The following PLG variants were observed in gnomAD, a reference collection of about 807,000 sequenced individuals.
PLG encodes the protein plasminogen, also known as plasmin.
PLG carries 41 observed loss-of-function variants against 104.4 expected under a neutral mutation model. That is an observed-to-expected ratio of 0.39 (90% CI 0.31 to 0.51). The LOEUF (loss-of-function observed/expected upper bound fraction) is 0.51. Ranked by LOEUF, PLG falls within the 20% of genes least tolerant of loss-of-function variation. The pLI, the probability that PLG is intolerant of heterozygous loss-of-function variation, is 0.76. For missense variants in PLG, 891 were observed against 1,003.6 expected (o/e 0.89, Z 1.52); for synonymous variants, 337 against 357.1 (o/e 0.94, Z 0.63).
chr6:160,732,018 A>G lies in PLG; in HGVS notation c.1587+125A>G, dbSNP rs1342590008. The G allele has an allele frequency of 2.0e-6, 2 of 1,007,986 alleles. No individual in the cohort carries two copies. The highest frequency in any genetic ancestry group is 3.1e-6 in the Non-Finnish European group (2 of 642,902). The allele number at this position is 1,007,986 out of a possible 1,614,324, so 62.4% of individuals were successfully genotyped here. ...TTTGTAATGGGGGAGAGGGGACAGA[A>G]GAAAATATTGGAAAGGCATCAGGGG... On this transcript the variant is annotated intron_variant, in intron 12 of 18. Transcript: ENST00000308192. This position sits in a 1 kb window ranked among gnomAD's most constrained non-coding sequence, Gnocchi z 4.5.
rs1029871746 is a variant in PLG, at chr6:160,711,711, A to T, written c.407+520A>T. ...TAGAACATAGAAGAATGCCTAGTTT[A>T]AAAAAAATCAATGAAACTATGAGTT... On this transcript the variant is annotated intron_variant, in intron 4 of 18. Transcript: ENST00000308192. 1.4e-5 allele frequency: 22 copies of T among 1,603,920 alleles called. No individual in the cohort carries two copies. The East Asian group carries it at 3.4e-4, about 24-fold the overall frequency.
rs902758390 is a variant in PLG, at chr6:160,726,254, C to A, written c.1256+3687C>A. ...AAATGATACAGAGTCTGTTTTTGAG[C>A]AAAACAGAATTAAATGAGATATAAA... On this transcript the variant is annotated intron_variant, in intron 10 of 18. Transcript: ENST00000308192. This position sits in a 1 kb window ranked among gnomAD's most constrained non-coding sequence, Gnocchi z 4.4. Among the ~76,000 whole-genome samples, 5 of 151,534 alleles carry A rather than the reference C, an allele frequency of 3.3e-5. No individual in the cohort carries two copies. The highest frequency in any genetic ancestry group is 7.4e-5 in the Non-Finnish European group (5 of 67,820).
At position 160,719,836 on chromosome 6, in the gene PLG, A is replaced by G. The variant is rs1038034445; in HGVS notation, c.1096+998A>G. On this transcript the variant is annotated intron_variant, in intron 9 of 18. Coordinates refer to ENST00000308192, the MANE Select transcript of PLG (RefSeq NM_000301.5). The surrounding 1 kb of genome is among the most constrained non-coding windows in gnomAD (Gnocchi z 4.1). ...TTTGTAATAGAAGCTTACTTCTACT[A>G]TGTCACAGATCTCACAATACATTGA... Among the ~76,000 whole-genome samples the G allele has an allele frequency of 1.2e-4, 18 of 152,178 alleles. No individual in the cohort carries two copies. The highest frequency in any genetic ancestry group is 4.3e-4 in the African/African-American group (18 of 41,440).
chr6:160,707,878 T>G (rs1309755765), intron 3 of PLG, 72 bp downstream of exon 3: 1 of 1,102,418 alleles, frequency 9.1e-7, no homozygotes, highest in Admixed American at 1.7e-5. Context: ...CTCTATTCTA[T>G]CTTTAATTTA....
At position 160,739,299 on chromosome 6, in the gene PLG, G is replaced by A; in HGVS notation, c.2018+91G>A. ...TGGGCCATGGCCACTGCATGGCAGT[G>A]GGGAGGAACTGTCTATCACATGAAA... On this transcript the variant is annotated intron_variant, in intron 16 of 18. Transcript: ENST00000308192. This position sits in a 1 kb window ranked among gnomAD's most constrained non-coding sequence, Gnocchi z 4.4. 1 of 1,525,068 alleles carries A rather than the reference G, an allele frequency of 6.6e-7. No homozygotes were observed. The highest frequency in any genetic ancestry group is 9.1e-7 in the Non-Finnish European group (1 of 1,100,400). The allele number at this position is 1,525,068 out of a possible 1,614,324, so 94.5% of individuals were successfully genotyped here.
At position 160,752,783 on chromosome 6, in the gene PLG, T is replaced by C. The variant is rs1778423572; in HGVS notation, c.2272-117T>C. ...GATGCTTGAGTAATATGCTCATAAG[T>C]TCCTTTCTGATTTCAATTACTGGGA... On this transcript the variant is annotated intron_variant, in intron 18 of 18. Transcript: ENST00000308192. This position sits in a 1 kb window ranked among gnomAD's most constrained non-coding sequence, Gnocchi z 4.7. 6 of 1,268,626 alleles carry C rather than the reference T, an allele frequency of 4.7e-6. No homozygotes were observed. The highest frequency in any genetic ancestry group is 2.9e-5 in the African/African-American group (2 of 68,036). The allele number at this position is 1,268,626 out of a possible 1,614,324, so 78.6% of individuals were successfully genotyped here.
intron 12 of PLG, 71 bp from the exon 13 acceptor site, chr6:160,733,924 G>C (rs551444154): frequency 2.2e-5 from 17 of 770,946 alleles, no homozygotes; most frequent in Admixed American, 5.2e-5. Flanking sequence ...CATGAAATGC[G>C]TGAGCCTTGG....
rs141539231 is a variant in PLG, at chr6:160,731,764, G to T, written c.1458G>T (p.Gly486=). 9.9e-6 allele frequency: 16 copies of T among 1,613,908 alleles called. No individual in the cohort carries two copies. The African/African-American group carries it at 2.0e-4, about 20-fold the overall frequency. ...PSEEDCMFGN[G]KGYRGKRATT... is the part of the protein sequence containing the mutation. ...GTACAGACTGTATGTTTGGGAATGG[G>T]AAAGGATACCGAGGCAAGAGGGCGA... Residue 486 remains glycine (G), a synonymous_variant, in exon 12 of 19, where the codon GGG becomes GGT. Coordinates refer to ENST00000308192, the MANE Select transcript of PLG (RefSeq NM_000301.5). This position sits in a 1 kb window ranked among gnomAD's most constrained non-coding sequence, Gnocchi z 5.1.
rs576457042 is a variant in PLG at position 160,711,878 on chromosome 6, G to A, written c.407+687G>A. On this transcript the variant is annotated intron_variant, in intron 4 of 18. Coordinates refer to ENST00000308192, the MANE Select transcript of PLG (RefSeq NM_000301.5). ...GATATAAAAATGAAAATGAAGATAC[G>A]TGAAATTCAAATGTTGCAACTTGCC... is the stretch of plus-strand genomic sequence containing the variant. The A allele has an allele frequency of 7.5e-5, 103 of 1,378,338 alleles. No homozygotes were observed. The Middle Eastern group carries it at 8.4e-4, about 11-fold the overall frequency. The allele number at this position is 1,378,338 out of a possible 1,614,324, so 85.4% of individuals were successfully genotyped here.
At chr6:160,750,637 G>T (rs1269974235) in intron 17 of PLG, among the ~76,000 whole-genome samples, 1 of 152,180 alleles carries the variant, frequency 6.6e-6, no homozygotes. Flanking sequence ...GGAGCCAGGC[G>T]CTGGGATGAG....
At chr6:160,713,865 T>C (rs911604751) in intron 5 of PLG, among the ~76,000 whole-genome samples, 2 of 152,172 alleles carry the variant, frequency 1.3e-5, no homozygotes, top group African/African-American at 2.4e-5. Context: ...CAAAGGTCAA[T>C]GCTAAAAAAT....
intron 10 of PLG, among the ~76,000 whole-genome samples, chr6:160,727,990 G>T (rs1777945050): frequency 6.6e-6 from 1 of 151,932 alleles, no homozygotes; most frequent in South Asian, 2.1e-4. Flanking sequence ...GAAAGAAAGG[G>T]CCTAAAGTTT....
At chr6:160,729,212 A>T (rs1372988829) in intron 10 of PLG, among the ~76,000 whole-genome samples, 2 of 152,178 alleles carry the variant, frequency 1.3e-5, no homozygotes, top group Non-Finnish European at 2.9e-5. Context: ...TGTCACCAAC[A>T]CTTAATGGGC....
chr6:160,712,735 CTG>C (rs373112302), intron 4 of PLG, among the ~76,000 whole-genome samples: 16 of 152,290 alleles, frequency 1.1e-4, no homozygotes, highest in African/African-American at 3.6e-4. Context: ...TTTCTCCTGA[CTG>C]TGCAATAAAA....
Position 160,731,684 on chromosome 6 carries a change from G to C in PLG, c.1439-61G>C. 6.6e-7 allele frequency: 1 copy of C among 1,511,598 alleles called. No individual in the cohort carries two copies. The highest frequency in any genetic ancestry group is 1.1e-5 in the South Asian group (1 of 88,970). 93.6% of individuals were successfully genotyped at this position (1,511,598 alleles called of 1,614,324 possible). ...TAGAGAAACCTGACATGACTGTATT[G>C]ATTCCATATCATCCTGGGTCTCTGT... On this transcript the variant is annotated intron_variant, in intron 11 of 18. Transcript: ENST00000308192. This position sits in a 1 kb window ranked among gnomAD's most constrained non-coding sequence, Gnocchi z 5.1.
chr6:160,729,790 C>A (rs933361291), intron 10 of PLG, among the ~76,000 whole-genome samples: 3 of 152,128 alleles, frequency 2.0e-5, no homozygotes, highest in African/African-American at 7.2e-5. Flanking sequence ...TGGAAGTGTT[C>A]TGTATCATAT....
At position 160,714,993 on chromosome 6, in the gene PLG, T is replaced by C. The variant is rs1777706771; in HGVS notation, c.668+79T>C. 5.6e-6 allele frequency: 8 copies of C among 1,431,562 alleles called. No individual in the cohort carries two copies. In the South Asian group the frequency reaches 9.3e-5, roughly 17 times the overall value. The allele number at this position is 1,431,562 out of a possible 1,614,324, so 88.7% of individuals were successfully genotyped here. A position where few individuals can be genotyped will look rare whatever the true frequency, so the allele number is the denominator to read the frequency against. On this transcript the variant is annotated intron_variant, in intron 6 of 18. Coordinates refer to ENST00000308192, the MANE Select transcript of PLG (RefSeq NM_000301.5). ...TCAGACATTTGCTGTCATTTAGATATTTTAGCATTCCTCAAGAAGTGAACG... is the reference window on the plus strand; with the variant it reads ...TCAGACATTTGCTGTCATTTAGATACTTTAGCATTCCTCAAGAAGTGAACG...
In PLG at chr6:160,707,759, C is replaced by A; in HGVS notation, c.245C>A (p.Ser82Tyr). 1 of 1,611,474 alleles carries A rather than the reference C, an allele frequency of 6.2e-7. No homozygotes were observed. The highest frequency in any genetic ancestry group is 8.5e-7 in the Non-Finnish European group (1 of 1,179,448). ...GTGATAATGGCTGAAAACAGGAAGT[C>A]CTCCATAATCATTAGGATGAGAGAT... ...QCVIMAENRK[S>Y]SIIIRMRDVV... is the part of the protein sequence containing the mutation. Residue 82 changes from serine (S) to tyrosine (Y), a missense_variant, in exon 3 of 19, where the codon TCC (serine) becomes TAC (tyrosine). By Grantham distance (144) the Ser-to-Tyr change is moderately radical (BLOSUM62 -2). Transcript: ENST00000308192.
In PLG at chr6:160,732,053, G is replaced by C. The variant is rs1778009119; in HGVS notation, c.1587+160G>C. ...GGAAAGGCATCAGGGGGCTAAGCTA[G>C]AATATAATTGGCCTTAGTATGGAAA... On this transcript the variant is annotated intron_variant, in intron 12 of 18. Coordinates refer to ENST00000308192, the MANE Select transcript of PLG (RefSeq NM_000301.5). This position sits in a 1 kb window ranked among gnomAD's most constrained non-coding sequence, Gnocchi z 4.5. 6.6e-6 allele frequency among the ~76,000 whole-genome samples: 1 copy of C among 152,172 alleles called. No individual in the cohort carries two copies. The highest frequency in any genetic ancestry group is 2.1e-4 in the South Asian group (1 of 4,828).
Sources: gnomAD v4.1 joint callset for allele counts (sites outside exome capture counted in the v4.1 genomes callset) on GRCh38, gnomAD v4.1.1 for gene constraint, Gnocchi (gnomAD v3.1) non-coding constraint, MANE v1.5 for transcripts, NCBI Gene and HGNC (gene_info 2026-07-23, HGNC 2026-07-21) for gene names.